ARHGAP44: variants seen among roughly 807,000 people sequenced by gnomAD.
ARHGAP44 encodes the protein Rho GTPase activating protein 44, also known as rho GTPase-activating protein 44.
A neutral mutation model predicts 106.8 loss-of-function variants in ARHGAP44; 43 were observed. The ratio of observed to expected loss-of-function variants is 0.40; its 90% CI spans 0.32 to 0.52. The LOEUF (loss-of-function observed/expected upper bound fraction) is 0.52. Among genes scored for constraint, ARHGAP44 ranks in the 20% least tolerant of loss-of-function variants. The probability of loss-of-function intolerance (pLI) is 0.48; values close to 1 mark genes in which losing one functional copy is unlikely to be tolerated. For synonymous variants in ARHGAP44, 439 were observed against 410.3 expected, an observed-to-expected ratio of 1.07 and a Z score of -0.85; for missense variants, 866 against 1,050.5, an observed-to-expected ratio of 0.82 and a Z score of 2.43.
intron 1 of ARHGAP44, among the ~76,000 whole-genome samples, chr17:12,862,130 A>T (rs2036105352): frequency 6.6e-6 from 1 of 152,126 alleles, no homozygotes; most frequent in African/African-American, 2.4e-5. Flanking sequence ...ACAGTCAGTG[A>T]GATTCAACTC....
chr17:12,802,445 C>T (rs1305455190), intron 1 of ARHGAP44, among the ~76,000 whole-genome samples: 1 of 152,122 alleles, frequency 6.6e-6, no homozygotes, highest in Non-Finnish European at 1.5e-5. Context: ...GTCATTGGGT[C>T]ACTCAGGTGA....
At chr17:12,961,407 G>A (rs1249123694) in intron 16 of ARHGAP44, among the ~76,000 whole-genome samples, 1 of 152,122 alleles carries the variant, frequency 6.6e-6, no homozygotes, top group Non-Finnish European at 1.5e-5. Flanking sequence ...ATGTATTGTT[G>A]TACATAAAAT....
At chr17:12,965,313 G>C (rs1489479223) in intron 16 of ARHGAP44, among the ~76,000 whole-genome samples, 2 of 152,186 alleles carry the variant, frequency 1.3e-5, no homozygotes, top group African/African-American at 4.8e-5. Flanking sequence ...ATCCTCAGGG[G>C]TTCTCTACCA....
chr17:12,939,944 G>A (rs1485937887), intron 7 of ARHGAP44, among the ~76,000 whole-genome samples: 1 of 152,162 alleles, frequency 6.6e-6, no homozygotes, highest in East Asian at 1.9e-4. Flanking sequence ...TTGCTTGCCT[G>A]TCACAGATAC....
intron 1 of ARHGAP44, among the ~76,000 whole-genome samples, chr17:12,828,728 A>G (rs1156325897): frequency 2.3e-5 from 3 of 131,718 alleles, no homozygotes; most frequent in East Asian, 4.5e-4. Flanking sequence ...TGCAAGCTCC[A>G]CCTCCCGGGT....
chr17:12,849,592 T>TTTTTTTTTTTTTTTTTTTTTTC (rs1555547004), intron 1 of ARHGAP44, among the ~76,000 whole-genome samples: 1 of 137,336 alleles, frequency 7.3e-6, no homozygotes. Flanking sequence ...TTTTTTTTTT[T>TTTTTTTTTTTTTTTTTTTTTTC]TTGCTTGGCT....
chr17:12,914,804 A>ACCTC (rs2037855458), intron 4 of ARHGAP44, among the ~76,000 whole-genome samples: 2 of 151,470 alleles, frequency 1.3e-5, no homozygotes, highest in Non-Finnish European at 2.9e-5. Context: ...CTCAAGAAAA[A>ACCTC]AAAAAAAAAA....
At chr17:12,982,940 A>C (rs2039867569) in intron 19 of ARHGAP44, 1 of 152,268 alleles carries the variant, frequency 6.6e-6, no homozygotes, top group Non-Finnish European at 1.5e-5. Context: ...CCTCTCCCTT[A>C]GGACTTACAA....
chr17:12,988,297 G>A (rs890678610), intron 20 of ARHGAP44: 1 of 152,268 alleles, frequency 6.6e-6, no homozygotes, highest in African/African-American at 2.4e-5. Flanking sequence ...GCACAGGGAA[G>A]GTAGGAAACT....
intron 18 of ARHGAP44, among the ~76,000 whole-genome samples, chr17:12,974,817 G>A (rs2039634335): frequency 6.6e-6 from 1 of 151,608 alleles, no homozygotes; most frequent in South Asian, 2.1e-4. Flanking sequence ...ATAAGCATAT[G>A]CTGTAATAAA....
At position 12,955,993 on chromosome 17, in the gene ARHGAP44, C is replaced by T. The variant is rs137975083; in HGVS notation, c.1250+13C>T. ...CACAAGCAGAAGGGTAAGTACAGGG[C>T]GGAGAAGTAATGTGGGTGATCAGGT... On this transcript the variant is annotated intron_variant, in intron 14 of 20. Coordinates refer to ENST00000379672, the MANE Select transcript of ARHGAP44 (RefSeq NM_014859.6). 44 of 1,594,850 alleles carry T rather than the reference C, an allele frequency of 2.8e-5. No homozygotes were observed. Among genetic ancestry groups the T allele is most frequent in the East Asian group, 2.0e-4 (9 of 44,656 alleles).
At chr17:12,813,553 G>A (rs1452035272) in intron 1 of ARHGAP44, among the ~76,000 whole-genome samples, 1 of 152,150 alleles carries the variant, frequency 6.6e-6, no homozygotes, top group Non-Finnish European at 1.5e-5. Context: ...ATCTGCATAT[G>A]AGCTTCCTTG....
intron 1 of ARHGAP44, among the ~76,000 whole-genome samples, chr17:12,846,409 C>T (rs1455973975): frequency 1.3e-5 from 2 of 152,142 alleles, no homozygotes; most frequent in Non-Finnish European, 2.9e-5. Context: ...TGTGTGTACC[C>T]TCTTCCTTTT....
intron 5 of ARHGAP44, chr17:12,917,141 CTG>C (rs1308932349): frequency 6.5e-6 from 1 of 154,330 alleles, no homozygotes; most frequent in Non-Finnish European, 1.5e-5. Context: ...CCCTAGAACT[CTG>C]TATTAGTCAG....
chr17:12,852,611 G>T (rs1399358476), intron 1 of ARHGAP44, among the ~76,000 whole-genome samples: 1 of 149,124 alleles, frequency 6.7e-6, no homozygotes, highest in African/African-American at 2.5e-5. Context: ...GTGCAATCTC[G>T]GCTCACTGCA....
chr17:12,972,229 T>C (rs925978993), intron 16 of ARHGAP44, among the ~76,000 whole-genome samples: 1 of 152,212 alleles, frequency 6.6e-6, no homozygotes, highest in Non-Finnish European at 1.5e-5. Context: ...TCTCCCTTAA[T>C]GCTAGAAATG....
intron 1 of ARHGAP44, among the ~76,000 whole-genome samples, chr17:12,807,161 T>C (rs2034298758): frequency 6.6e-6 from 1 of 152,192 alleles, no homozygotes; most frequent in Non-Finnish European, 1.5e-5. Context: ...TTGACACTTA[T>C]GTGCATTAAT....
chr17:12,793,489 C>A (rs2033826529), intron 1 of ARHGAP44, among the ~76,000 whole-genome samples: 1 of 152,150 alleles, frequency 6.6e-6, no homozygotes. Context: ...GGGTGGATCA[C>A]CTGAGGTCAG....
intron 15 of ARHGAP44, 126 bp downstream of exon 15, chr17:12,956,872 C>G (rs1598115499): frequency 4.5e-6 from 1 of 223,644 alleles, no homozygotes; most frequent in Admixed American, 9.4e-5. Flanking sequence ...TATAAACACA[C>G]ACACACACAC....
Sources: allele counts gnomAD v4.1 joint callset (sites outside exome capture counted in the v4.1 genomes callset), GRCh38; gene constraint gnomAD v4.1.1; transcripts MANE v1.5; gene names NCBI Gene and HGNC (gene_info 2026-07-23, HGNC 2026-07-21).